The following KRT34 variants were observed in gnomAD, a reference collection of about 807,000 sequenced individuals.
KRT34 encodes keratin 34, also known as keratin, type I cuticular Ha4.
A neutral mutation model predicts 41.7 loss-of-function variants in KRT34; 31 were observed. That is an observed-to-expected ratio of 0.74 (90% CI 0.56 to 1.00). The LOEUF (loss-of-function observed/expected upper bound fraction) is 1.00, where lower values mean the gene tolerates loss of function less well. Among genes scored for constraint, KRT34 ranks in the 50% least tolerant of loss-of-function variants. The probability of loss-of-function intolerance (pLI) is 0.00; values close to 1 mark genes in which losing one functional copy is unlikely to be tolerated. For synonymous variants in KRT34, 224 were observed against 212.9 expected (o/e 1.05, Z -0.45); for missense variants, 523 against 500.3 (o/e 1.05, Z -0.43).
chr17:41,378,264 T>C (rs1331696278), intron 6 of KRT34, 118 bp from the exon 7 acceptor site: 1 of 739,656 alleles, frequency 1.4e-6, no homozygotes, highest in Non-Finnish European at 2.4e-6. Context: ...GGAATCAAGT[T>C]CTTTTTGTTT....
intron 3 of KRT34, among the ~76,000 whole-genome samples, chr17:41,380,814 C>T (rs1176597446): frequency 2.0e-5 from 3 of 152,202 alleles, no homozygotes; most frequent in African/African-American, 7.2e-5. Flanking sequence ...CAGCAGAGAG[C>T]AGGGCTCAAT....
intron 3 of KRT34, among the ~76,000 whole-genome samples, chr17:41,380,433 G>A (rs972776908): frequency 3.9e-5 from 6 of 152,222 alleles, no homozygotes; most frequent in East Asian, 1.9e-4. Flanking sequence ...GTCCTTCCTC[G>A]CTTCCCATCA....
chr17:41,382,276 T>A lies in KRT34; in HGVS notation c.-30A>T. 1 of 1,613,108 alleles carries A rather than the reference T, an allele frequency of 6.2e-7. No individual in the cohort carries two copies. ...CTGGAACAGGTAATGGAAAAGCAGGTAAGCTGCTGGAGGTGGATGTGGGCA... is the reference window on the plus strand; with the variant it reads ...CTGGAACAGGTAATGGAAAAGCAGGAAAGCTGCTGGAGGTGGATGTGGGCA... On this transcript the variant is annotated 5_prime_UTR_variant, in exon 1 of 7. Coordinates refer to ENST00000394001, the MANE Select transcript of KRT34 (RefSeq NM_001386014.1).
chr17:41,382,322 C>G, upstream of KRT34: 1 of 1,613,432 alleles, frequency 6.2e-7, no homozygotes, highest in Non-Finnish European at 8.5e-7. Context: ...TCTCCTTCCT[C>G]TGCAGTCCTT....
In KRT34 at chr17:41,377,998, G is replaced by C. The variant is rs369880715; in HGVS notation, c.*61C>G. 147 of 1,252,840 alleles carry C rather than the reference G, an allele frequency of 1.2e-4. No homozygotes were observed. The African/African-American group carries it at 1.9e-3, about 16-fold the overall frequency. 77.6% of individuals were successfully genotyped at this position (1,252,840 alleles called of 1,614,324 possible). A position where few individuals can be genotyped will look rare whatever the true frequency, so the allele number is the denominator to read the frequency against. On this transcript the variant is annotated 3_prime_UTR_variant, in exon 7 of 7. Transcript: ENST00000394001. ...AGCTCCAGAAAAGTCAGGACTTGAG[G>C]ATCCTTCCTGTGGTTGATCTAAATG...
Position 41,379,039 on chromosome 17 carries a change from C to G in KRT34, c.1014G>C (p.Glu338Asp). 1 of 1,614,258 alleles carries G rather than the reference C, an allele frequency of 6.2e-7. No homozygotes were observed. The highest frequency in any genetic ancestry group is 8.5e-7 in the Non-Finnish European group (1 of 1,180,044). ...IRCDLERQNQ[E>D]YQVLLDVRAR... is the part of the protein sequence containing the mutation. ...CACGCACGTCCAGCAGCACCTGGTA[C>G]TCCTGGTTCTGCCGCTCCAGGTCAC... The change falls in exon 6 of 7, where the codon GAG becomes GAC. Residue 338 changes from glutamate to aspartate, a missense_variant. By Grantham distance (45) the Glu-to-Asp change is conservative. Coordinates refer to ENST00000394001, the MANE Select transcript of KRT34 (RefSeq NM_001386014.1).
In KRT34 at chr17:41,377,974, G is replaced by T; in HGVS notation, c.*85C>A. The T allele has an allele frequency of 1.1e-6, 1 of 950,152 alleles. No homozygotes were observed. The highest frequency in any genetic ancestry group is 1.7e-6 in the Non-Finnish European group (1 of 591,018). The allele number at this position is 950,152 out of a possible 1,614,324, so 58.9% of individuals were successfully genotyped here. A position where few individuals can be genotyped will look rare whatever the true frequency, so the allele number is the denominator to read the frequency against. On this transcript the variant is annotated 3_prime_UTR_variant, in exon 7 of 7. Coordinates refer to ENST00000394001, the MANE Select transcript of KRT34 (RefSeq NM_001386014.1). ...GATGAGGTTTCTTGATGTCAGCTGA[G>T]CTCCAGAAAAGTCAGGACTTGAGGA...
chr17:41,383,264 G>A (rs148180823), upstream of KRT34, among the ~76,000 whole-genome samples: 781 of 152,196 alleles, frequency 5.1e-3, 10 homozygotes, highest in African/African-American at 0.018. Context: ...TGATCCGCCC[G>A]CCTCGGCCTC....
At chr17:41,379,529 G>A (rs759022880) in intron 4 of KRT34, 41 bp downstream of exon 4, 1 of 1,613,926 alleles carries the variant, frequency 6.2e-7, no homozygotes, top group East Asian at 2.2e-5. Flanking sequence ...AGGGCCCTGG[G>A]GCACCTCGGG....
chr17:41,378,910 TC>T, intron 6 of KRT34, 45 bp downstream of exon 6: 1 of 1,610,064 alleles, frequency 6.2e-7, no homozygotes, highest in Non-Finnish European at 8.5e-7. Flanking sequence ...GCCTACAATA[TC>T]CCACTGTACA....
chr17:41,381,636 G>T (rs779370090), intron 2 of KRT34, 77 bp downstream of exon 2: 11 of 1,256,394 alleles, frequency 8.8e-6, no homozygotes, highest in Non-Finnish European at 1.3e-5. Flanking sequence ...GAGAGAAATG[G>T]CTTTCTCCTC....
At position 41,378,810 on chromosome 17, in the gene KRT34, C is replaced by T. The variant is rs1567675417; in HGVS notation, c.1097+146G>A. 4 of 1,199,258 alleles carry T rather than the reference C, an allele frequency of 3.3e-6. No homozygotes were observed. The Admixed American group carries it at 8.6e-5, about 26-fold the overall frequency. The allele number at this position is 1,199,258 out of a possible 1,614,324, so 74.3% of individuals were successfully genotyped here. A position where few individuals can be genotyped will look rare whatever the true frequency, so the allele number is the denominator to read the frequency against. ...GGGCTGTTCCCTTACCTTTGGCCTC[C>T]CTTTGCTTAGCTATCACAGATCACT... On this transcript the variant is annotated intron_variant, in intron 6 of 6. Transcript: ENST00000394001.
At chr17:41,380,871 C>T (rs527622896) in intron 3 of KRT34, among the ~76,000 whole-genome samples, 185 bp downstream of exon 3, 1 of 152,130 alleles carries the variant, frequency 6.6e-6, no homozygotes, top group South Asian at 2.1e-4. Context: ...TAACCCTCAC[C>T]CAGCCGCTGA....
Position 41,382,049 on chromosome 17 carries a change from G to T in KRT34, c.198C>A (p.Arg66=). The stretch of plus-strand genomic sequence containing the variant: ...GCACCTTCTCCAGGTAGCTGGCCAG[G>T]CGGTCGTTCAGGAACTGCATAGTCT... ...EKETMQFLND[R]LASYLEKVRQ... Residue 66 remains arginine (R), a synonymous_variant, in exon 1 of 7, where the codon CGC becomes CGA. Coordinates refer to ENST00000394001, the MANE Select transcript of KRT34 (RefSeq NM_001386014.1). The T allele has an allele frequency of 1.2e-6, 2 of 1,613,932 alleles. No homozygotes were observed. Among genetic ancestry groups the T allele is most frequent in the Non-Finnish European group, 1.7e-6 (2 of 1,180,052 alleles).
upstream of KRT34, among the ~76,000 whole-genome samples, chr17:41,382,722 T>C (rs778484279): frequency 6.6e-6 from 1 of 152,224 alleles, no homozygotes; most frequent in Non-Finnish European, 1.5e-5. Context: ...CTCTTCCAAG[T>C]AGCTCTTTCC....
chr17:41,383,322 TA>T (rs938795412), upstream of KRT34, among the ~76,000 whole-genome samples: 1 of 152,130 alleles, frequency 6.6e-6, no homozygotes, highest in Non-Finnish European at 1.5e-5. Context: ...CGGCAGTAAA[TA>T]AAGTTTTAAT....
intron 6 of KRT34, 112 bp downstream of exon 6, chr17:41,378,844 G>T: frequency 7.0e-7 from 1 of 1,419,688 alleles, no homozygotes; most frequent in Non-Finnish European, 9.8e-7. Context: ...CTGGACACAT[G>T]CTACACAGTT....
chr17:41,382,280 C>A lies in KRT34; in HGVS notation c.-34G>T, dbSNP rs886202356. On this transcript the variant is annotated 5_prime_UTR_variant, in exon 1 of 7. Coordinates refer to ENST00000394001, the MANE Select transcript of KRT34 (RefSeq NM_001386014.1). Reference sequence around the variant, plus strand: ...AACAGGTAATGGAAAAGCAGGTAAGCTGCTGGAGGTGGATGTGGGCAGGTT... The same window carrying A: ...AACAGGTAATGGAAAAGCAGGTAAGATGCTGGAGGTGGATGTGGGCAGGTT... 1 of 1,613,170 alleles carries A rather than the reference C, an allele frequency of 6.2e-7. No individual in the cohort carries two copies. Among genetic ancestry groups the A allele is most frequent in the Admixed American group, 1.7e-5 (1 of 60,030 alleles).
In KRT34 at chr17:41,378,129, C is replaced by T. The variant is rs202143412; in HGVS notation, c.1115G>A (p.Cys372Tyr). 2.1e-5 allele frequency: 34 copies of T among 1,613,776 alleles called. No homozygotes were observed. The East Asian group carries it at 7.4e-4, about 35-fold the overall frequency. Residue 372 changes from cysteine (C) to tyrosine (Y), a missense_variant, in exon 7 of 7, where the codon TGC becomes TAC. By Grantham distance (194) the Cys-to-Tyr change is radical. Transcript: ENST00000394001. ...SEDCKLPCNPCATTNASGNSC... is the reference protein window; with the variant it reads ...SEDCKLPCNPYATTNASGNSC... ...GTTGCCACTAGCATTGGTGGTGGCG[C>T]ATGGGTTGCAGGGGAGCCTAGGAGG...
Sources: gnomAD v4.1 joint callset for allele counts (sites outside exome capture counted in the v4.1 genomes callset) on GRCh38, gnomAD v4.1.1 for gene constraint, MANE v1.5 for transcripts, NCBI Gene and HGNC (gene_info 2026-07-23, HGNC 2026-07-21) for gene names.